The following ADAM32 variants were observed in gnomAD, a reference collection of about 807,000 sequenced individuals.
The protein encoded by ADAM32 is disintegrin and metalloproteinase domain-containing protein 32.
Under a neutral mutation model 114.9 loss-of-function variants are expected in ADAM32, and 89 were observed. That is an observed-to-expected ratio of 0.77 (90% CI 0.65 to 0.92). The LOEUF is 0.92. ADAM32 is among the 40% of genes least tolerant of loss of function. The pLI is 0.00. For synonymous variants in ADAM32, 285 were observed against 307.5 expected, an observed-to-expected ratio of 0.93 and a Z score of 0.77; for missense variants, 870 against 932.8, an observed-to-expected ratio of 0.93 and a Z score of 0.88.
At chr8:39,256,094 T>A (rs1271624350) in intron 18 of ADAM32, among the ~76,000 whole-genome samples, 1 of 152,076 alleles carries the variant, frequency 6.6e-6, no homozygotes, top group African/African-American at 2.4e-5. Context: ...TGTGTCTATT[T>A]TTATATCAGT....
intron 7 of ADAM32, 69 bp from the exon 8 acceptor site, chr8:39,164,695 A>T: frequency 8.2e-7 from 1 of 1,225,502 alleles, no homozygotes; most frequent in South Asian, 1.5e-5. Context: ...CTGACAGTAG[A>T]TGGAAAAGAA....
chr8:39,175,124 TG>T (rs1273505607), intron 10 of ADAM32, among the ~76,000 whole-genome samples: 1 of 152,212 alleles, frequency 6.6e-6, no homozygotes, highest in African/African-American at 2.4e-5. Flanking sequence ...TCATGTCATC[TG>T]CAAACAAAGA....
chr8:39,203,903 CT>C (rs1807621552), intron 11 of ADAM32, among the ~76,000 whole-genome samples: 1 of 152,084 alleles, frequency 6.6e-6, no homozygotes, highest in Non-Finnish European at 1.5e-5. Context: ...CTTAGTTTGG[CT>C]GGATATGAAA....
rs994280652 is a variant in ADAM32, at chr8:39,259,571, A to G, written c.2162+2228A>G. Reference sequence around the variant, plus strand: ...AATCATTACATATAGTCTTCTTGGAAATAACCCAAGGACTTCAGTCATTTA... The same window carrying G: ...AATCATTACATATAGTCTTCTTGGAGATAACCCAAGGACTTCAGTCATTTA... On this transcript the variant is annotated intron_variant, in intron 19 of 24. Coordinates refer to ENST00000379907, the MANE Select transcript of ADAM32 (RefSeq NM_145004.7). 5.3e-5 allele frequency among the ~76,000 whole-genome samples: 8 copies of G among 152,300 alleles called. No individual in the cohort carries two copies. The East Asian group carries it at 1.5e-3, about 29-fold the overall frequency.
chr8:39,264,098 G>C (rs960709798), intron 19 of ADAM32, among the ~76,000 whole-genome samples: 1 of 151,988 alleles, frequency 6.6e-6, no homozygotes, highest in African/African-American at 2.4e-5. Flanking sequence ...TCTATCCCCA[G>C]ATTACCACTT....
chr8:39,207,205 A>G (rs1016982305), intron 11 of ADAM32, among the ~76,000 whole-genome samples: 2 of 151,958 alleles, frequency 1.3e-5, no homozygotes, highest in African/African-American at 4.8e-5. Context: ...TCACTTCTCC[A>G]ATGAATTCCA....
chr8:39,227,472 C>G (rs1402438247), intron 14 of ADAM32, among the ~76,000 whole-genome samples: 1 of 152,142 alleles, frequency 6.6e-6, no homozygotes, highest in African/African-American at 2.4e-5. Flanking sequence ...AGGAAACAGA[C>G]TCGGGGCTGT....
intron 10 of ADAM32, among the ~76,000 whole-genome samples, chr8:39,173,928 G>T (rs1805352842): frequency 6.6e-6 from 1 of 152,072 alleles, no homozygotes; most frequent in Non-Finnish European, 1.5e-5. Flanking sequence ...AGGTTCAAGC[G>T]ATTCTCTTGC....
chr8:39,197,437 T>A (rs1030337563), intron 11 of ADAM32, among the ~76,000 whole-genome samples: 7 of 152,066 alleles, frequency 4.6e-5, no homozygotes, highest in Admixed American at 4.6e-4. Flanking sequence ...TATTTCTACT[T>A]TTTTGATGAC....
intron 2 of ADAM32, among the ~76,000 whole-genome samples, chr8:39,125,820 T>A (rs182693078): frequency 7.9e-5 from 12 of 152,338 alleles, no homozygotes; most frequent in Non-Finnish European, 1.0e-4. Flanking sequence ...CTTTAATCCA[T>A]CTTGAATTAC....
At chr8:39,169,081 G>A (rs1054725024) in intron 9 of ADAM32, 1 of 152,200 alleles carries the variant, frequency 6.6e-6, no homozygotes, top group Non-Finnish European at 1.5e-5. Flanking sequence ...TGGAGAGGCA[G>A]TGCGATTGTG....
chr8:39,142,887 G>C (rs1803258006), intron 3 of ADAM32, among the ~76,000 whole-genome samples: 1 of 152,048 alleles, frequency 6.6e-6, no homozygotes. Flanking sequence ...ATATTTCTTG[G>C]AGGCTTTGTT....
intron 3 of ADAM32, 64 bp downstream of exon 3, chr8:39,136,782 G>T: frequency 9.1e-7 from 1 of 1,093,406 alleles, no homozygotes; most frequent in South Asian, 1.7e-5. Context: ...ACTTGCAATA[G>T]AAAATGGAGT....
At chr8:39,253,205 T>C (rs950178856) in intron 17 of ADAM32, among the ~76,000 whole-genome samples, 1 of 151,634 alleles carries the variant, frequency 6.6e-6, no homozygotes, top group African/African-American at 2.4e-5. Context: ...ATTTACTTTA[T>C]GACATTAAGA....
chr8:39,202,321 T>G (rs535147397), intron 11 of ADAM32, among the ~76,000 whole-genome samples: 1 of 152,324 alleles, frequency 6.6e-6, no homozygotes, highest in Admixed American at 6.5e-5. Flanking sequence ...TATTGGTCTA[T>G]TCAGAGATTC....
At chr8:39,251,911 A>T (rs900454791) in intron 17 of ADAM32, among the ~76,000 whole-genome samples, 3 of 151,862 alleles carry the variant, frequency 2.0e-5, no homozygotes, top group Non-Finnish European at 4.4e-5. Flanking sequence ...AAAGATAATG[A>T]TCAAGTTTTA....
chr8:39,131,192 G>A (rs563254237), intron 2 of ADAM32, among the ~76,000 whole-genome samples: 5 of 152,140 alleles, frequency 3.3e-5, no homozygotes, highest in South Asian at 2.1e-4. Context: ...TCCTGACCTC[G>A]TGATCTGCCC....
chr8:39,112,280 A>G (rs1840195206), intron 1 of ADAM32, among the ~76,000 whole-genome samples: 1 of 152,142 alleles, frequency 6.6e-6, no homozygotes. Flanking sequence ...AAATTTATGT[A>G]TGTCATCTAT....
chr8:39,135,197 A>ATC (rs1405701968), intron 2 of ADAM32, among the ~76,000 whole-genome samples: 1 of 152,194 alleles, frequency 6.6e-6, no homozygotes, highest in Non-Finnish European at 1.5e-5. Context: ...ATGCTCAAGC[A>ATC]TCTGTGTTCA....
Sources: gnomAD v4.1 joint callset for allele counts (sites outside exome capture counted in the v4.1 genomes callset) on GRCh38, gnomAD v4.1.1 for gene constraint, MANE v1.5 for transcripts, NCBI Gene and HGNC (gene_info 2026-07-23, HGNC 2026-07-21) for gene names.